The following PEPD variants were observed in gnomAD, a reference collection of about 807,000 sequenced individuals.
PEPD encodes xaa-Pro dipeptidase.
PEPD carries 53 observed loss-of-function variants against 60.7 expected under a neutral mutation model. That is an observed-to-expected ratio of 0.87 (90% CI 0.70 to 1.10). PEPD has a LOEUF of 1.10. Ranked by LOEUF, PEPD falls within the 50% of genes least tolerant of loss-of-function variation. The probability of loss-of-function intolerance (pLI) is 0.00; values close to 1 mark genes in which losing one functional copy is unlikely to be tolerated. For missense variants in PEPD, 711 were observed against 711.9 expected, an observed-to-expected ratio of 1.00 and a Z score of 0.01; for synonymous variants, 267 against 284.1, an observed-to-expected ratio of 0.94 and a Z score of 0.60.
intron 11 of PEPD, among the ~76,000 whole-genome samples, chr19:33,411,009 T>G (rs1464477342): frequency 1.3e-5 from 2 of 152,008 alleles, no homozygotes; most frequent in Non-Finnish European, 2.9e-5. Context: ...TGCTCTGCCC[T>G]GCACACCGAG....
intron 3 of PEPD, among the ~76,000 whole-genome samples, chr19:33,509,204 T>C (rs1600173623): frequency 1.3e-5 from 2 of 152,258 alleles, no homozygotes; most frequent in East Asian, 1.9e-4. Flanking sequence ...TGGGAAGGCA[T>C]TGTCAGGCCA....
chr19:33,390,860 A>C (rs934647108), intron 13 of PEPD, among the ~76,000 whole-genome samples: 5 of 152,160 alleles, frequency 3.3e-5, no homozygotes, highest in African/African-American at 1.2e-4. Context: ...GTGAGGGGCC[A>C]GGGTGAGTCG....
intron 9 of PEPD, among the ~76,000 whole-genome samples, chr19:33,420,175 C>T (rs959771825): frequency 3.4e-5 from 5 of 145,912 alleles, no homozygotes; most frequent in South Asian, 2.3e-4. Context: ...GGATCAGTTA[C>T]GGATAAAACA....
Position 33,473,679 on chromosome 19 carries a change from T to C in PEPD, c.548+4367A>G, listed in dbSNP as rs947939324. On this transcript the variant is annotated intron_variant, in intron 7 of 14. Transcript: ENST00000244137. Reference sequence around the variant, plus strand: ...AAAGCATCTCCTTTTATTTCCCACCTTGCCTTCAGATCAATTTAATCATCT... The same window carrying C: ...AAAGCATCTCCTTTTATTTCCCACCCTGCCTTCAGATCAATTTAATCATCT... Among the ~76,000 whole-genome samples the C allele has an allele frequency of 2.6e-5, 4 of 152,216 alleles. 1 individual carries two copies. Among genetic ancestry groups the C allele is most frequent in the East Asian group, 1.9e-4 (1 of 5,204 alleles).
At chr19:33,500,059 C>T (rs1970680148) in intron 4 of PEPD, among the ~76,000 whole-genome samples, 1 of 152,244 alleles carries the variant, frequency 6.6e-6, no homozygotes, top group East Asian at 1.9e-4. Flanking sequence ...GCATGGCCGA[C>T]ACATAATCTC....
At chr19:33,468,480 C>T (rs1417485099) in intron 7 of PEPD, among the ~76,000 whole-genome samples, 1 of 152,222 alleles carries the variant, frequency 6.6e-6, no homozygotes, top group Non-Finnish European at 1.5e-5. Context: ...AGCTGGCCTC[C>T]ATCGAGGCAG....
chr19:33,417,374 T>C (rs1968912717), intron 9 of PEPD, among the ~76,000 whole-genome samples: 1 of 152,112 alleles, frequency 6.6e-6, no homozygotes, highest in Non-Finnish European at 1.5e-5. Context: ...AAGCAGGTAG[T>C]TGGGACATGG....
Position 33,387,478 on chromosome 19 carries a change from G to A in PEPD, c.1348C>T (p.Arg450Cys), listed in dbSNP as rs1308732090. 4.3e-6 allele frequency: 7 copies of A among 1,613,460 alleles called. No individual in the cohort carries two copies. The highest frequency in any genetic ancestry group is 1.1e-5 in the South Asian group (1 of 91,092). ...GTCACCACGACGTCCTCCTCGATGC[G>A]GACCTGGGTCAAGCCGACAGACACA... The part of the protein sequence containing the change: ...LQRFRGFGGV[R>C]IEEDVVVTDS... The change falls in exon 15 of 15, where the codon CGC (arginine) becomes TGC (cysteine). Residue 450 changes from arginine to cysteine, a missense_variant. Coordinates refer to ENST00000244137, the MANE Select transcript of PEPD (RefSeq NM_000285.4).
chr19:33,443,238 T>C (rs1380140094), intron 9 of PEPD, among the ~76,000 whole-genome samples: 4 of 152,376 alleles, frequency 2.6e-5, no homozygotes, highest in South Asian at 2.1e-4. Flanking sequence ...TTCTGTCATA[T>C]GTCCCTGTGC....
At chr19:33,461,657 A>C (rs529559073) in intron 9 of PEPD, among the ~76,000 whole-genome samples, 5 of 152,314 alleles carry the variant, frequency 3.3e-5, no homozygotes, top group African/African-American at 1.2e-4. Flanking sequence ...GGGCAGTGCC[A>C]ATCTGAGGGA....
At chr19:33,391,504 G>A (rs1323197428) in intron 12 of PEPD, 25 bp from the exon 13 acceptor site, 3 of 1,544,334 alleles carry the variant, frequency 1.9e-6, no homozygotes, top group Non-Finnish European at 2.6e-6. Context: ...GAGCTGCCGT[G>A]AGCCACAGAG....
intron 9 of PEPD, among the ~76,000 whole-genome samples, chr19:33,454,923 A>T (rs1282011865): frequency 6.6e-6 from 1 of 152,078 alleles, no homozygotes; most frequent in East Asian, 1.9e-4. Flanking sequence ...GTAACTCATA[A>T]CTCCTGTCTC....
intron 9 of PEPD, among the ~76,000 whole-genome samples, chr19:33,433,178 G>C (rs1969308419): frequency 6.6e-6 from 1 of 152,250 alleles, no homozygotes; most frequent in African/African-American, 2.4e-5. Context: ...AACATGCTGG[G>C]TGATGCCTCA....
At chr19:33,472,260 C>T (rs757468620) in intron 7 of PEPD, among the ~76,000 whole-genome samples, 5 of 151,958 alleles carry the variant, frequency 3.3e-5, no homozygotes, top group South Asian at 2.1e-4. Flanking sequence ...CCTGGGAGTC[C>T]GAGGTTGTAG....
intron 9 of PEPD, among the ~76,000 whole-genome samples, chr19:33,418,328 A>G (rs953386228): frequency 1.3e-5 from 2 of 152,242 alleles, no homozygotes; most frequent in East Asian, 3.8e-4. Context: ...AGGGCCATAC[A>G]GTCCTGCAGG....
chr19:33,419,426 T>C (rs958864397), intron 9 of PEPD, among the ~76,000 whole-genome samples: 2 of 152,208 alleles, frequency 1.3e-5, no homozygotes, highest in African/African-American at 2.4e-5. Context: ...GCATTTAGCA[T>C]GATAACAACC....
At chr19:33,485,796 T>C (rs902691508) in intron 6 of PEPD, among the ~76,000 whole-genome samples, 2 of 152,148 alleles carry the variant, frequency 1.3e-5, no homozygotes, top group African/African-American at 4.8e-5. Context: ...AGAAATACAC[T>C]TAGCCTGAAT....
chr19:33,442,910 C>T (rs1449842290), intron 9 of PEPD, among the ~76,000 whole-genome samples: 1 of 152,176 alleles, frequency 6.6e-6, no homozygotes, highest in Non-Finnish European at 1.5e-5. Context: ...CTGGCTCTCC[C>T]CACAGAACTG....
intron 9 of PEPD, among the ~76,000 whole-genome samples, chr19:33,419,620 G>A (rs1968968820): frequency 6.6e-6 from 1 of 152,216 alleles, no homozygotes; most frequent in Non-Finnish European, 1.5e-5. Flanking sequence ...GTAGGTGGGG[G>A]CTGGAACAGT....
Sources: allele counts gnomAD v4.1 joint callset (sites outside exome capture counted in the v4.1 genomes callset), GRCh38; gene constraint gnomAD v4.1.1; transcripts MANE v1.5; gene names NCBI Gene and HGNC (gene_info 2026-07-23, HGNC 2026-07-21).